UGGT2: variants seen among roughly 807,000 people sequenced by gnomAD.
UGGT2 encodes the protein UDP-glucose glycoprotein glucosyltransferase 2, also known as UDP-glucose:glycoprotein glucosyltransferase 2.
Under a neutral mutation model 192.1 loss-of-function variants are expected in UGGT2, and 180 were observed. The observed-to-expected ratio is 0.94, with a 90% CI of 0.83 to 1.06. The LOEUF is 1.06. Among genes scored for constraint, UGGT2 ranks in the 50% least tolerant of loss-of-function variants. The pLI is 0.00. For synonymous variants in UGGT2, 580 were observed against 591.0 expected, an observed-to-expected ratio of 0.98 and a Z score of 0.27; for missense variants, 1,849 against 1,795.7, an observed-to-expected ratio of 1.03 and a Z score of -0.54.
At chr13:96,015,735 A>G (rs2052316213) in intron 4 of UGGT2, among the ~76,000 whole-genome samples, 1 of 152,222 alleles carries the variant, frequency 6.6e-6, no homozygotes, top group Admixed American at 6.5e-5. Flanking sequence ...ATATACATGT[A>G]CTTACCTAGA....
intron 20 of UGGT2, among the ~76,000 whole-genome samples, chr13:95,911,411 T>C (rs2048492998): frequency 2.6e-5 from 4 of 152,138 alleles, no homozygotes; most frequent in Admixed American, 2.0e-4. Flanking sequence ...ATATCACCAC[T>C]GATCCCACAG....
intron 26 of UGGT2, among the ~76,000 whole-genome samples, chr13:95,887,687 T>A (rs1264597570): frequency 2.0e-5 from 3 of 152,166 alleles, no homozygotes; most frequent in Non-Finnish European, 2.9e-5. Flanking sequence ...TGTAATTAGG[T>A]CAGATCACTT....
chr13:95,860,388 T>C (rs1453082079), intron 32 of UGGT2, among the ~76,000 whole-genome samples: 1 of 149,098 alleles, frequency 6.7e-6, no homozygotes, highest in Non-Finnish European at 1.5e-5. Context: ...TTCTTACCTA[T>C]CCAAAATGTC....
intron 26 of UGGT2, among the ~76,000 whole-genome samples, chr13:95,886,030 G>A (rs369382258): frequency 5.3e-5 from 8 of 152,222 alleles, no homozygotes; most frequent in African/African-American, 1.9e-4. Context: ...AATGAAAAAA[G>A]CTAGTATAGA....
At position 95,937,123 on chromosome 13, in the gene UGGT2, AAT is replaced by A. The variant is rs751727937; in HGVS notation, c.1813-37_1813-36del. On this transcript the variant is annotated intron_variant, in intron 16 of 38. Transcript: ENST00000376747. ...TAAAAAATATCAGAGTGTTAAACAAAATATGATTGTTTGAATAATAAACATAA... is the reference window on the plus strand; with the variant it reads ...TAAAAAATATCAGAGTGTTAAACAAAATGATTGTTTGAATAATAAACATAA... 3.2e-6 allele frequency: 5 copies of A among 1,554,538 alleles called. No homozygotes were observed. The Admixed American group carries it at 7.0e-5, about 22-fold the overall frequency.
chr13:96,004,709 G>GA (rs1214820419), intron 5 of UGGT2, among the ~76,000 whole-genome samples: 1 of 127,050 alleles, frequency 7.9e-6, no homozygotes, highest in Non-Finnish European at 1.6e-5. Context: ...AATAATAAAT[G>GA]AAAAAAAGAA....
At chr13:95,937,883 C>A (rs758865073) in intron 16 of UGGT2, among the ~76,000 whole-genome samples, 2 of 152,146 alleles carry the variant, frequency 1.3e-5, no homozygotes, top group Non-Finnish European at 2.9e-5. Flanking sequence ...TTGGCTGTGT[C>A]CCCACCCAAT....
Position 95,807,274 on chromosome 13 carries a change from G to C in UGGT2, c.4529-5462C>G, listed in dbSNP as rs138607577. The stretch of plus-strand genomic sequence containing the variant: ...ATCCTCATTGTCTTCACATTCCGTA[G>C]GCTAAGGAAGAGGAGTTGTTAGTTT... On this transcript the variant is annotated intron_variant, in intron 38 of 38. Transcript: ENST00000376747. 4.2e-3 allele frequency among the ~76,000 whole-genome samples: 637 copies of C among 152,212 alleles called. 8 individuals carry two copies. Among genetic ancestry groups the C allele is most frequent in the Middle Eastern group, 0.041 (12 of 294 alleles).
intron 20 of UGGT2, among the ~76,000 whole-genome samples, chr13:95,922,256 A>C (rs1460501002): frequency 6.6e-6 from 1 of 152,200 alleles, no homozygotes; most frequent in Non-Finnish European, 1.5e-5. Flanking sequence ...AACAATGGAT[A>C]CTCAGGGACA....
intron 29 of UGGT2, among the ~76,000 whole-genome samples, chr13:95,870,265 A>G (rs1256597912): frequency 1.3e-5 from 2 of 152,230 alleles, no homozygotes; most frequent in Non-Finnish European, 2.9e-5. Context: ...CCTTTAGCAT[A>G]CACTGCAGTA....
intron 5 of UGGT2, among the ~76,000 whole-genome samples, chr13:96,004,176 G>GAA (rs35910583): frequency 9.3e-5 from 13 of 139,574 alleles, no homozygotes; most frequent in African/African-American, 3.5e-4. Flanking sequence ...GCAACTCTAG[G>GAA]AAAAAAAAAA....
intron 36 of UGGT2, among the ~76,000 whole-genome samples, chr13:95,845,636 G>A (rs1285823567): frequency 6.6e-5 from 10 of 151,566 alleles, no homozygotes; most frequent in African/African-American, 1.9e-4. Context: ...TTTTCTATTC[G>A]ACAAAACCGC....
At position 95,857,420 on chromosome 13, in the gene UGGT2, T is replaced by C. The variant is rs1305388085; in HGVS notation, c.3826-1080A>G. 2.6e-5 allele frequency among the ~76,000 whole-genome samples: 4 copies of C among 152,106 alleles called. No homozygotes were observed. In the East Asian group the frequency reaches 7.7e-4, roughly 29 times the overall value. The stretch of plus-strand genomic sequence containing the variant: ...GGAAGTAGGTAGAAATAAACTATTA[T>C]CTACAGAAAAAAGTGCTATGAAGAA... On this transcript the variant is annotated intron_variant, in intron 33 of 38. Coordinates refer to ENST00000376747, the MANE Select transcript of UGGT2 (RefSeq NM_020121.4).
intron 38 of UGGT2, among the ~76,000 whole-genome samples, chr13:95,832,302 A>T (rs568745910): frequency 6.6e-6 from 1 of 152,268 alleles, no homozygotes; most frequent in African/African-American, 2.4e-5. Flanking sequence ...CAGCACTGAC[A>T]GGGAAAGAGA....
At chr13:96,039,432 T>C (rs2053101409) in intron 1 of UGGT2, among the ~76,000 whole-genome samples, 1 of 152,152 alleles carries the variant, frequency 6.6e-6, no homozygotes, top group Admixed American at 6.5e-5. Flanking sequence ...ACCTTCTTTA[T>C]ACCAAGCTTC....
chr13:95,877,611 G>A, intron 28 of UGGT2, 87 bp downstream of exon 28: 1 of 1,441,554 alleles, frequency 6.9e-7, no homozygotes, highest in Non-Finnish European at 9.3e-7. Flanking sequence ...AGCAACAGCA[G>A]AATAAAGATT....
intron 29 of UGGT2, among the ~76,000 whole-genome samples, chr13:95,875,501 G>T (rs142642340): frequency 6.6e-6 from 1 of 152,124 alleles, no homozygotes; most frequent in Non-Finnish European, 1.5e-5. Flanking sequence ...TGGGATATAC[G>T]TCATAATATA....
chr13:95,838,998 A>T lies in UGGT2; in HGVS notation c.4285-1796T>A, dbSNP rs1167898473. Among the ~76,000 whole-genome samples, 3 of 152,026 alleles carry T rather than the reference A, an allele frequency of 2.0e-5. No homozygotes were observed. In the South Asian group the frequency reaches 6.2e-4, roughly 31 times the overall value. On this transcript the variant is annotated intron_variant, in intron 36 of 38. Coordinates refer to ENST00000376747, the MANE Select transcript of UGGT2 (RefSeq NM_020121.4). ...CATTCCTTGATGTATTCACCCCTATATAGTTATTCTTCTGAATATACTCTC... is the reference window on the plus strand; with the variant it reads ...CATTCCTTGATGTATTCACCCCTATTTAGTTATTCTTCTGAATATACTCTC...
intron 15 of UGGT2, among the ~76,000 whole-genome samples, chr13:95,946,655 G>C (rs1594406607): frequency 6.6e-6 from 1 of 152,300 alleles, no homozygotes; most frequent in East Asian, 1.9e-4. Context: ...ATAGGCATGA[G>C]CCACTGTGCC....
Sources: gnomAD v4.1 joint callset for allele counts (sites outside exome capture counted in the v4.1 genomes callset) on GRCh38, gnomAD v4.1.1 for gene constraint, MANE v1.5 for transcripts, NCBI Gene and HGNC (gene_info 2026-07-23, HGNC 2026-07-21) for gene names.